The following GPC6 variants were observed in gnomAD, a reference collection of about 807,000 sequenced individuals.
The protein encoded by GPC6 is glypican 6.
A neutral mutation model predicts 55.2 loss-of-function variants in GPC6; 14 were observed. The ratio of observed to expected loss-of-function variants is 0.25; its 90% CI spans 0.17 to 0.40. The LOEUF is 0.40. Ranked by LOEUF, GPC6 falls within the 10% of genes least tolerant of loss-of-function variation. The probability of loss-of-function intolerance (pLI) is 1.00; values close to 1 mark genes in which losing one functional copy is unlikely to be tolerated. For synonymous variants in GPC6, 278 were observed against 259.6 expected, an observed-to-expected ratio of 1.07 and a Z score of -0.68; for missense variants, 641 against 708.5, an observed-to-expected ratio of 0.90 and a Z score of 1.08.
intron 7 of GPC6, among the ~76,000 whole-genome samples, chr13:94,390,195 G>A (rs756777030): frequency 2.0e-5 from 3 of 152,194 alleles, no homozygotes; most frequent in Admixed American, 6.5e-5. Flanking sequence ...AATGATGCAC[G>A]ATGATGGCAA....
intron 1 of GPC6, among the ~76,000 whole-genome samples, chr13:93,537,727 C>T (rs1263090273): frequency 6.6e-6 from 1 of 152,102 alleles, no homozygotes; most frequent in Admixed American, 6.6e-5. Flanking sequence ...TTTCCCTATT[C>T]TATCTCCTAG....
At chr13:93,252,607 G>T (rs572736748) in intron 1 of GPC6, among the ~76,000 whole-genome samples, 1 of 152,146 alleles carries the variant, frequency 6.6e-6, no homozygotes, top group Non-Finnish European at 1.5e-5. Flanking sequence ...TCTTTATTAG[G>T]TAACTAATCC....
chr13:93,805,241 T>C (rs932713866), intron 2 of GPC6, among the ~76,000 whole-genome samples: 1 of 152,314 alleles, frequency 6.6e-6, no homozygotes, highest in South Asian at 2.1e-4. Flanking sequence ...CTAATCTCTA[T>C]TAAATCTATA....
At chr13:94,268,432 G>A (rs1193812537) in intron 4 of GPC6, among the ~76,000 whole-genome samples, 1 of 151,938 alleles carries the variant, frequency 6.6e-6, no homozygotes, top group Non-Finnish European at 1.5e-5. Context: ...TAATCTTTTA[G>A]CCTGTTTTTA....
intron 8 of GPC6, among the ~76,000 whole-genome samples, chr13:94,401,457 G>C (rs1241725471): frequency 6.6e-6 from 1 of 152,156 alleles, no homozygotes; most frequent in Admixed American, 6.5e-5. Context: ...AGTGGAAATA[G>C]GGAAGAAAGC....
intron 2 of GPC6, among the ~76,000 whole-genome samples, chr13:93,730,603 A>G (rs937233729): frequency 1.3e-5 from 2 of 152,308 alleles, no homozygotes; most frequent in Admixed American, 6.5e-5. Context: ...TTAACAAAAC[A>G]TCTGATGGCT....
intron 1 of GPC6, among the ~76,000 whole-genome samples, chr13:93,496,385 C>G (rs560176020): frequency 6.6e-6 from 1 of 152,274 alleles, no homozygotes; most frequent in East Asian, 1.9e-4. Context: ...CTTCGGCTCG[C>G]GCACCCACTG....
chr13:93,713,905 C>A (rs1883158492), intron 2 of GPC6, among the ~76,000 whole-genome samples: 1 of 151,712 alleles, frequency 6.6e-6, no homozygotes, highest in Admixed American at 6.6e-5. Flanking sequence ...AAATTGGACC[C>A]ATACCTTTCA....
intron 1 of GPC6, among the ~76,000 whole-genome samples, chr13:93,318,832 C>G (rs1032064262): frequency 3.3e-5 from 5 of 152,090 alleles, no homozygotes; most frequent in African/African-American, 7.2e-5. Flanking sequence ...TATGTTATAG[C>G]TTTGCTATAT....
At chr13:93,732,473 T>A (rs1594409626) in intron 2 of GPC6, among the ~76,000 whole-genome samples, 1 of 152,158 alleles carries the variant, frequency 6.6e-6, no homozygotes. Context: ...AATTGAGATA[T>A]GATTAAAAAG....
intron 3 of GPC6, among the ~76,000 whole-genome samples, chr13:93,932,690 C>T (rs1878236153): frequency 6.6e-6 from 1 of 151,986 alleles, no homozygotes; most frequent in Admixed American, 6.6e-5. Flanking sequence ...TTTGTTCCAC[C>T]CTTCCTGGCT....
intron 6 of GPC6, among the ~76,000 whole-genome samples, chr13:94,323,698 T>C (rs756599587): frequency 7.2e-5 from 11 of 152,230 alleles, no homozygotes; most frequent in African/African-American, 9.6e-5. Context: ...CTATGCAATG[T>C]ATTCATGTAA....
At chr13:93,819,991 T>A (rs918062072) in intron 2 of GPC6, among the ~76,000 whole-genome samples, 1 of 152,198 alleles carries the variant, frequency 6.6e-6, no homozygotes, top group Non-Finnish European at 1.5e-5. Flanking sequence ...TATCAACCAA[T>A]TACATAGTGC....
chr13:93,398,973 G>C (rs962566678), intron 1 of GPC6, among the ~76,000 whole-genome samples: 1 of 151,964 alleles, frequency 6.6e-6, no homozygotes, highest in African/African-American at 2.4e-5. Flanking sequence ...ATTATCTCAG[G>C]CCAGAAAGAG....
At chr13:94,155,479 C>T (rs564831550) in intron 4 of GPC6, among the ~76,000 whole-genome samples, 10 of 152,254 alleles carry the variant, frequency 6.6e-5, no homozygotes, top group Non-Finnish European at 1.5e-4. Context: ...TGCCTCCAGC[C>T]TTGCCTTCTC....
At chr13:93,766,973 A>G (rs1885146557) in intron 2 of GPC6, among the ~76,000 whole-genome samples, 1 of 151,918 alleles carries the variant, frequency 6.6e-6, no homozygotes, top group Non-Finnish European at 1.5e-5. Flanking sequence ...TTTAAAATGC[A>G]CTTAATTTTT....
In GPC6 at chr13:93,976,809, C is replaced by T. The variant is rs139709979; in HGVS notation, c.712-50920C>T. ...CAGCCACCTGCAGGCTTTTGCTTGC[C>T]CCAAGAGGTTATTTGTCAGCCTGTA... is the stretch of plus-strand genomic sequence containing the variant. On this transcript the variant is annotated intron_variant, in intron 3 of 8. Coordinates refer to ENST00000377047, the MANE Select transcript of GPC6 (RefSeq NM_005708.5). 4.0e-3 allele frequency among the ~76,000 whole-genome samples: 609 copies of T among 151,730 alleles called. 6 individuals are homozygous for T. Among genetic ancestry groups the T allele is most frequent in the Non-Finnish European group, 7.0e-3 (476 of 67,880 alleles).
chr13:94,374,090 A>G (rs910667180), intron 6 of GPC6, among the ~76,000 whole-genome samples: 4 of 152,290 alleles, frequency 2.6e-5, no homozygotes, highest in South Asian at 4.1e-4. Flanking sequence ...GGAACAACCG[A>G]TACCAGCCAC....
At chr13:93,586,042 T>C (rs1184771074) in intron 2 of GPC6, among the ~76,000 whole-genome samples, 5 of 152,156 alleles carry the variant, frequency 3.3e-5, no homozygotes, top group Non-Finnish European at 7.4e-5. Flanking sequence ...GGGTTTGTTG[T>C]ACAGATTATT....
Sources: gnomAD v4.1 joint callset for allele counts (sites outside exome capture counted in the v4.1 genomes callset) on GRCh38, gnomAD v4.1.1 for gene constraint, MANE v1.5 for transcripts, NCBI Gene and HGNC (gene_info 2026-07-23, HGNC 2026-07-21) for gene names.